Variants in PCDHGB2 observed in about 807,000 individuals in gnomAD.
PCDHGB2 encodes the protein protocadherin gamma subfamily B, 2.
PCDHGB2 carries 55 observed loss-of-function variants against 59.3 expected under a neutral mutation model. That is an observed-to-expected ratio of 0.93 (90% CI 0.75 to 1.16). The LOEUF (loss-of-function observed/expected upper bound fraction) is 1.16, where lower values mean the gene tolerates loss of function less well. PCDHGB2 is among the 50% of genes most tolerant of loss of function. The probability of loss-of-function intolerance (pLI) is 0.00; values close to 1 mark genes in which losing one functional copy is unlikely to be tolerated. For missense variants in PCDHGB2, 1,228 were observed against 1,198.5 expected (o/e 1.02, Z -0.36); for synonymous variants, 516 against 512.0 (o/e 1.01, Z -0.11).
intron 1 of PCDHGB2, chr5:141,418,042 G>A: frequency 6.2e-7 from 1 of 1,614,014 alleles, no homozygotes; most frequent in South Asian, 1.1e-5. Context: ...TCCTGGATGT[G>A]TCGGCTCGCG....
intron 1 of PCDHGB2, chr5:141,384,235 A>C (rs1779874846): frequency 1.2e-6 from 2 of 1,613,774 alleles, no homozygotes; most frequent in Admixed American, 1.7e-5. Context: ...GGCAGACACC[A>C]ACGATAACCC....
intron 1 of PCDHGB2, among the ~76,000 whole-genome samples, chr5:141,468,857 C>A (rs1386167428): frequency 2.0e-5 from 3 of 151,962 alleles, no homozygotes; most frequent in Non-Finnish European, 4.4e-5. Context: ...CAGAGCGAGA[C>A]TCCATCTCAA....
chr5:141,361,291 G>A lies in PCDHGB2; in HGVS notation c.1156G>A (p.Val386Met). Reference sequence around the variant, plus strand: ...AGAAAATGGAGAAGTTTACTGCCAAGTGTTGGGAAATGCCAAGTTTATTTT... The same window carrying A: ...AGAAAATGGAGAAGTTTACTGCCAAATGTTGGGAAATGCCAAGTTTATTTT... Reference protein sequence around the residue: ...SGENGEVYCQVLGNAKFILKS... With the variant: ...SGENGEVYCQMLGNAKFILKS... Residue 386 changes from valine (V) to methionine (M), a missense_variant, in exon 1 of 4, where the codon GTG (valine) becomes ATG (methionine). Transcript: ENST00000522605. 6.2e-7 allele frequency: 1 copy of A among 1,614,040 alleles called. No individual in the cohort carries two copies. Among genetic ancestry groups the A allele is most frequent in the Non-Finnish European group, 8.5e-7 (1 of 1,179,900 alleles).
chr5:141,464,517 G>A lies in PCDHGB2; in HGVS notation c.2422-30290G>A, dbSNP rs1487703873. 2.0e-5 allele frequency among the ~76,000 whole-genome samples: 3 copies of A among 151,862 alleles called. No individual in the cohort carries two copies. In the South Asian group the frequency reaches 6.2e-4, roughly 32 times the overall value. On this transcript the variant is annotated intron_variant, in intron 1 of 3. Transcript: ENST00000522605. ...GTGATTGCTGCATCATAAGGTAAAG[G>A]CATATGTAGTTTTGTTAAATATAGC...
rs138070043 is a variant in PCDHGB2, at chr5:141,512,950, AAAT to A, written c.*1783_*1785del. 5,271 of 152,332 alleles carry A rather than the reference AAAT, an allele frequency of 0.035. 119 individuals carry two copies. The highest frequency in any genetic ancestry group is 0.075 in the South Asian group (360 of 4,826). The allele number at this position is 152,332 out of a possible 1,614,324, so 9.4% of individuals were successfully genotyped here. On this transcript the variant is annotated 3_prime_UTR_variant, in exon 4 of 4. Coordinates refer to ENST00000522605, the MANE Select transcript of PCDHGB2 (RefSeq NM_018923.3). ...ATATGGCTTTTTTTCTTCGACAAAA[AAAT>A]AATAAAACGTTTCTTCTGAAAAGCT...
intron 1 of PCDHGB2, chr5:141,390,043 C>A (rs1022492557): frequency 1.9e-6 from 3 of 1,613,946 alleles, no homozygotes; most frequent in Non-Finnish European, 2.5e-6. Context: ...TCCAGCCCCG[C>A]CTCCTGGAGC....
rs151037104 is a variant in PCDHGB2, at chr5:141,393,242, C to G, written c.2421+30686C>G. 3 of 1,613,778 alleles carry G rather than the reference C, an allele frequency of 1.9e-6. 1 individual carries two copies. The East Asian group carries it at 6.7e-5, about 36-fold the overall frequency. ...TCGAAGATCTAGAAGTAAAAATTAA[C>G]GAAATCGCGGTTCCTGGAGCACGTT... On this transcript the variant is annotated intron_variant, in intron 1 of 3. Coordinates refer to ENST00000522605, the MANE Select transcript of PCDHGB2 (RefSeq NM_018923.3).
At chr5:141,370,664 A>G (rs1369327412) in intron 1 of PCDHGB2, 3 of 1,613,920 alleles carry the variant, frequency 1.9e-6, no homozygotes, top group South Asian at 1.1e-5. Flanking sequence ...GCGACCGTAT[A>G]GACCGAGAGG....
chr5:141,393,657 C>G, intron 1 of PCDHGB2: 1 of 1,613,862 alleles, frequency 6.2e-7, no homozygotes, highest in Non-Finnish European at 8.5e-7. Context: ...ATACAAATTC[C>G]GGAAAATTAA....
rs1007318194 is a variant in PCDHGB2, at chr5:141,512,035, T to G, written c.*862T>G. On this transcript the variant is annotated 3_prime_UTR_variant, in exon 4 of 4. Coordinates refer to ENST00000522605, the MANE Select transcript of PCDHGB2 (RefSeq NM_018923.3). ...AAGTTATCAAGGCCTTGGAGGAGGC[T>G]CTGTATGTCCTCAGGGGACTGACAA... 1.3e-5 allele frequency: 2 copies of G among 152,870 alleles called. No individual in the cohort carries two copies. Among genetic ancestry groups the G allele is most frequent in the African/African-American group, 4.8e-5 (2 of 41,464 alleles). The allele number at this position is 152,870 out of a possible 1,614,324, so 9.5% of individuals were successfully genotyped here.
intron 1 of PCDHGB2, among the ~76,000 whole-genome samples, chr5:141,443,873 T>A (rs1250320938): frequency 6.6e-6 from 1 of 152,100 alleles, no homozygotes; most frequent in Non-Finnish European, 1.5e-5. Context: ...AAATTACTGA[T>A]AAGTCAAGAG....
At chr5:141,468,960 T>TC (rs1562019766) in intron 1 of PCDHGB2, among the ~76,000 whole-genome samples, 1 of 151,348 alleles carries the variant, frequency 6.6e-6, no homozygotes, top group African/African-American at 2.4e-5. Flanking sequence ...TGGTTTTTTT[T>TC]ACCTTAGGCT....
chr5:141,362,415 A>T lies in PCDHGB2; in HGVS notation c.2280A>T (p.Ser760=). The T allele has an allele frequency of 6.2e-7, 1 of 1,614,024 alleles. No homozygotes were observed. The highest frequency in any genetic ancestry group is 8.5e-7 in the Non-Finnish European group (1 of 1,179,900). ...YSYNLCVASQ[S]AKTEFNFLNI... ...ACAACCTGTGTGTTGCCTCACAATC[A>T]GCCAAGACAGAGTTCAATTTTCTGA... The change falls in exon 1 of 4, where the codon TCA becomes TCT. Residue 760 remains serine, a synonymous_variant. Transcript: ENST00000522605.
chr5:141,366,634 G>T, intron 1 of PCDHGB2: 1 of 1,614,220 alleles, frequency 6.2e-7, no homozygotes, highest in African/African-American at 1.3e-5. Context: ...AGAGTCACCT[G>T]ATCTTTCCCC....
At chr5:141,367,851 G>C (rs149342716) in intron 1 of PCDHGB2, 1 of 151,844 alleles carries the variant, frequency 6.6e-6, no homozygotes, top group Admixed American at 6.6e-5. Flanking sequence ...CAATGTTAGC[G>C]TTTCTTTAAG....
intron 1 of PCDHGB2, chr5:141,419,137 C>CAGGG: frequency 6.2e-7 from 1 of 1,613,892 alleles, no homozygotes; most frequent in Non-Finnish European, 8.5e-7. Context: ...CAGCCACAGA[C>CAGGG]AGGGGCAAGC....
At chr5:141,415,508 A>G in intron 1 of PCDHGB2, 2 of 1,614,168 alleles carry the variant, frequency 1.2e-6, no homozygotes, top group Non-Finnish European at 1.7e-6. Flanking sequence ...CCCCAGCCCA[A>G]TTATGCGGAC....
At chr5:141,419,049 C>T in intron 1 of PCDHGB2, 6 of 1,613,954 alleles carry the variant, frequency 3.7e-6, no homozygotes, top group Non-Finnish European at 5.1e-6. Flanking sequence ...ATTCATTCTT[C>T]TTCTAATAAT....
chr5:141,461,196 T>C (rs1398352067), intron 1 of PCDHGB2, among the ~76,000 whole-genome samples: 3 of 152,128 alleles, frequency 2.0e-5, no homozygotes. Context: ...TGTTTTTTGC[T>C]CTTTAGAGAA....
Sources: gnomAD v4.1 joint callset for allele counts (sites outside exome capture counted in the v4.1 genomes callset) on GRCh38, gnomAD v4.1.1 for gene constraint, MANE v1.5 for transcripts, NCBI Gene and HGNC (gene_info 2026-07-23, HGNC 2026-07-21) for gene names.